Variants in MTBP observed in about 807,000 individuals in gnomAD.
MTBP encodes MDM2 binding protein.
Under a neutral mutation model 117.0 loss-of-function variants are expected in MTBP, and 101 were observed. The ratio of observed to expected loss-of-function variants is 0.86; its 90% CI spans 0.73 to 1.02. The LOEUF is 1.02. Ranked by LOEUF, MTBP falls within the 50% of genes least tolerant of loss-of-function variation. The probability of loss-of-function intolerance (pLI) is 0.00; values close to 1 mark genes in which losing one functional copy is unlikely to be tolerated. For synonymous variants in MTBP, 350 were observed against 351.5 expected, an observed-to-expected ratio of 1.00 and a Z score of 0.05; for missense variants, 970 against 1,030.9, an observed-to-expected ratio of 0.94 and a Z score of 0.81.
chr8:120,509,921 T>A lies in MTBP; in HGVS notation c.1884-13T>A, dbSNP rs765688187. On this transcript the variant is annotated splice_polypyrimidine_tract_variant and intron_variant, in intron 16 of 21. Coordinates refer to ENST00000305949, the MANE Select transcript of MTBP (RefSeq NM_022045.5). ...ATAAACTTTGAATACAAATGAAAAA[T>A]TTTTTGTTTCAGGGAAAAGACTTTT... 8 of 1,586,596 alleles carry A rather than the reference T, an allele frequency of 5.0e-6. No individual in the cohort carries two copies. Among genetic ancestry groups the A allele is most frequent in the South Asian group, 1.1e-5 (1 of 87,594 alleles).
rs1486926472 is a variant in MTBP at position 120,488,179 on chromosome 8, G to A, written c.1186G>A (p.Gly396Arg). The change falls in exon 12 of 22, where the codon GGA becomes AGA. Residue 396 changes from glycine to arginine, a missense_variant. Transcript: ENST00000305949. ...TTTAGTTCCAGATGTTGAAGTGAAA[G>A]GAGAGTGTTCTAGCTATTATCTCTT... ...TISVPDVEVKGECSSYYLLLQ... is the reference protein window; with the variant it reads ...TISVPDVEVKRECSSYYLLLQ... 1.3e-6 allele frequency: 2 copies of A among 1,582,394 alleles called. No homozygotes were observed. The highest frequency in any genetic ancestry group is 1.7e-6 in the Non-Finnish European group (2 of 1,169,418).
At chr8:120,477,413 A>G (rs909729603) in intron 11 of MTBP, among the ~76,000 whole-genome samples, 25 of 152,238 alleles carry the variant, frequency 1.6e-4, no homozygotes, top group Admixed American at 1.6e-3. Context: ...GGATCTAATT[A>G]AACTAAAGAG....
intron 11 of MTBP, among the ~76,000 whole-genome samples, chr8:120,481,130 G>A (rs1814074442): frequency 6.6e-6 from 1 of 152,134 alleles, no homozygotes; most frequent in South Asian, 2.1e-4. Flanking sequence ...CAACCAAAAT[G>A]TGATTCTACA....
intron 16 of MTBP, among the ~76,000 whole-genome samples, chr8:120,509,473 G>A (rs377274568): frequency 2.0e-5 from 3 of 152,008 alleles, no homozygotes; most frequent in Admixed American, 6.6e-5. Flanking sequence ...ATGGGAGCGG[G>A]TGCCTGTAAT....
chr8:120,447,487 A>G (rs1003773086), intron 2 of MTBP, among the ~76,000 whole-genome samples: 1 of 152,138 alleles, frequency 6.6e-6, no homozygotes, highest in Non-Finnish European at 1.5e-5. Flanking sequence ...GGAGTATTCC[A>G]GGGGTTCTCA....
At chr8:120,508,118 A>G (rs1433755211) in intron 16 of MTBP, among the ~76,000 whole-genome samples, 1 of 152,154 alleles carries the variant, frequency 6.6e-6, no homozygotes, top group Non-Finnish European at 1.5e-5. Context: ...TATCAAATGT[A>G]TCTTCTGTTA....
chr8:120,485,485 C>T (rs1218752522), intron 11 of MTBP, among the ~76,000 whole-genome samples: 1 of 152,000 alleles, frequency 6.6e-6, no homozygotes, highest in African/African-American at 2.4e-5. Flanking sequence ...TATTTTATAT[C>T]TTTTCATCTA....
At chr8:120,468,287 G>A (rs1160482701) in intron 10 of MTBP, among the ~76,000 whole-genome samples, 1 of 152,042 alleles carries the variant, frequency 6.6e-6, no homozygotes, top group Non-Finnish European at 1.5e-5. Flanking sequence ...TATTAGGTTG[G>A]TGTAAAAGTA....
chr8:120,456,472 T>C, intron 6 of MTBP, 81 bp from the exon 7 acceptor site: 1 of 906,170 alleles, frequency 1.1e-6, no homozygotes, highest in Non-Finnish European at 1.7e-6. Context: ...ATTTTGCCTC[T>C]TAGGCTTGTA....
chr8:120,523,238 T>C (rs1308980218), intron 21 of MTBP, 60 bp from the exon 22 acceptor site: 3 of 1,133,078 alleles, frequency 2.6e-6, no homozygotes, highest in Non-Finnish European at 3.9e-6. Flanking sequence ...TACAATATAT[T>C]TTTCTATTAC....
chr8:120,504,310 C>T (rs1212914138), intron 15 of MTBP, among the ~76,000 whole-genome samples: 1 of 152,112 alleles, frequency 6.6e-6, no homozygotes, highest in Non-Finnish European at 1.5e-5. Context: ...GAGTAATTAA[C>T]ACCCTTATTT....
chr8:120,512,071 CCTGTTAAT>C lies in MTBP; in HGVS notation c.1979+2058_1979+2065del, dbSNP rs539457623. ...ACTTTGTTTGATAAGAATTTTAGGA[CCTGTTAAT>C]CTGTTAATCTGTTAAAGGAAACTAA... On this transcript the variant is annotated intron_variant, in intron 17 of 21. Coordinates refer to ENST00000305949, the MANE Select transcript of MTBP (RefSeq NM_022045.5). 1.8e-4 allele frequency among the ~76,000 whole-genome samples: 28 copies of C among 152,174 alleles called. No individual in the cohort carries two copies. In the East Asian group the frequency reaches 3.9e-3, roughly 21 times the overall value.
At chr8:120,467,892 A>G (rs550369104) in intron 10 of MTBP, among the ~76,000 whole-genome samples, 1 of 152,358 alleles carries the variant, frequency 6.6e-6, no homozygotes, top group Admixed American at 6.5e-5. Context: ...TGGCCATTTC[A>G]GCTAATGGGT....
chr8:120,479,038 A>C (rs1450279433), intron 11 of MTBP, among the ~76,000 whole-genome samples: 1 of 152,198 alleles, frequency 6.6e-6, no homozygotes, highest in Non-Finnish European at 1.5e-5. Context: ...CCATTATCCT[A>C]AACGAATTAT....
Position 120,461,190 on chromosome 8 carries a change from A to G in MTBP, c.912A>G (p.Glu304=). Residue 304 remains glutamate (E), a synonymous_variant, in exon 9 of 22, where the codon GAA becomes GAG. Transcript: ENST00000305949. ...TCCATTATTATGGCCCTGCTTTAGAATTTGTGCAGATGATAAAATTATCAG... is the reference window on the plus strand; with the variant it reads ...TCCATTATTATGGCCCTGCTTTAGAGTTTGTGCAGATGATAAAATTATCAG... ...KVFHYYGPAL[E]FVQMIKLSDL... is the part of the protein sequence containing the mutation. 6.2e-7 allele frequency: 1 copy of G among 1,603,150 alleles called. No homozygotes were observed. The highest frequency in any genetic ancestry group is 1.1e-5 in the South Asian group (1 of 90,710).
chr8:120,521,914 G>A (rs12548297), intron 20 of MTBP, among the ~76,000 whole-genome samples: 39,971 of 74,130 alleles, frequency 0.54, 11,970 homozygotes, highest in Non-Finnish European at 0.67. Context: ...ACGGTGGAGG[G>A]TGGGAGAGTA....
In MTBP at chr8:120,454,367, T is replaced by A. The variant is rs370111403; in HGVS notation, c.484+462T>A. Among the ~76,000 whole-genome samples, 103 of 152,248 alleles carry A rather than the reference T, an allele frequency of 6.8e-4. 1 individual carries two copies. Among genetic ancestry groups the A allele is most frequent in the African/African-American group, 2.3e-3 (96 of 41,594 alleles). ...AAAGAAAGTGTTTCCTCAGCATTTT[T>A]TTATAGAACCTATTTTTTTCCCCAT... On this transcript the variant is annotated intron_variant, in intron 5 of 21. Coordinates refer to ENST00000305949, the MANE Select transcript of MTBP (RefSeq NM_022045.5).
At chr8:120,510,058 T>G in intron 17 of MTBP, 29 bp downstream of exon 17, 1 of 1,438,638 alleles carries the variant, frequency 7.0e-7, no homozygotes, top group Non-Finnish European at 9.7e-7. Context: ...TTTACTCTTC[T>G]GTATGTTGTT....
intron 13 of MTBP, among the ~76,000 whole-genome samples, chr8:120,496,752 A>G (rs765251477): frequency 4.0e-5 from 6 of 151,882 alleles, no homozygotes; most frequent in African/African-American, 1.5e-4. Flanking sequence ...TTGCCTATCT[A>G]ATAGGAATAG....
Sources: gnomAD v4.1 joint callset for allele counts (sites outside exome capture counted in the v4.1 genomes callset) on GRCh38, gnomAD v4.1.1 for gene constraint, MANE v1.5 for transcripts, NCBI Gene and HGNC (gene_info 2026-07-23, HGNC 2026-07-21) for gene names.